SPAG9: variants seen among roughly 807,000 people sequenced by gnomAD.
SPAG9 encodes C-Jun-amino-terminal kinase-interacting protein 4.
SPAG9 carries 35 observed loss-of-function variants against 166.5 expected under a neutral mutation model. The ratio of observed to expected loss-of-function variants is 0.21; its 90% CI spans 0.16 to 0.28. The LOEUF is 0.28. SPAG9 is among the 10% of genes least tolerant of loss of function. The pLI is 1.00. For synonymous variants in SPAG9, 534 were observed against 565.5 expected, an observed-to-expected ratio of 0.94 and a Z score of 0.79; for missense variants, 1,235 against 1,603.3, an observed-to-expected ratio of 0.77 and a Z score of 3.92.
At position 51,020,152 on chromosome 17, in the gene SPAG9, A is replaced by T. The variant is rs752660647; in HGVS notation, c.1091+7T>A. The T allele has an allele frequency of 6.3e-7, 1 of 1,576,114 alleles. No individual in the cohort carries two copies. Among genetic ancestry groups the T allele is most frequent in the South Asian group, 1.1e-5 (1 of 90,162 alleles). ...CAGAATATGTCTTCATCTAACATTT[A>T]TGTTACCTTGAACCTTTATATCCAC... is the stretch of plus-strand genomic sequence containing the variant. On this transcript the variant is annotated splice_region_variant and intron_variant, in intron 8 of 29. Transcript: ENST00000262013.
chr17:51,013,010 C>T lies in SPAG9; in HGVS notation c.1213+1222G>A, dbSNP rs146330778. Among the ~76,000 whole-genome samples, 685 of 152,138 alleles carry T rather than the reference C, an allele frequency of 4.5e-3. 6 individuals carry two copies. Among genetic ancestry groups the T allele is most frequent in the African/African-American group, 0.015 (640 of 41,472 alleles). On this transcript the variant is annotated intron_variant, in intron 9 of 29. Transcript: ENST00000262013. ...CCTCCCAAAGTGTTGGGATTACAGGCGTGAGCCACTGCAACCGGCCTAGAT... is the reference window on the plus strand; with the variant it reads ...CCTCCCAAAGTGTTGGGATTACAGGTGTGAGCCACTGCAACCGGCCTAGAT...
chr17:51,046,516 G>A (rs758232906), intron 4 of SPAG9: 1 of 1,536,046 alleles, frequency 6.5e-7, no homozygotes, highest in Non-Finnish European at 8.7e-7. Flanking sequence ...ATCCTTGGTA[G>A]GTTCTGCGTC....
In SPAG9 at chr17:50,996,554, G is replaced by A. The variant is rs1184825872; in HGVS notation, c.1968+11C>T. On this transcript the variant is annotated intron_variant, in intron 16 of 29. Coordinates refer to ENST00000262013, the MANE Select transcript of SPAG9 (RefSeq NM_001130528.3). ...TTCCTGCTGGATGCTCTTACCACAT[G>A]TGCATATTACCTGTTTGTACTTCTG... The A allele has an allele frequency of 6.2e-7, 1 of 1,613,942 alleles. No individual in the cohort carries two copies. Among genetic ancestry groups the A allele is most frequent in the South Asian group, 1.1e-5 (1 of 91,038 alleles).
At position 51,109,468 on chromosome 17, in the gene SPAG9, C is replaced by T. The variant is rs373041690; in HGVS notation, c.303+10886G>A. ...GTCAGGCTGGTCTCGAACTCTTGACCTCGTGATCTGCCCACCTCGGCCTTC... is the reference window on the plus strand; with the variant it reads ...GTCAGGCTGGTCTCGAACTCTTGACTTCGTGATCTGCCCACCTCGGCCTTC... On this transcript the variant is annotated intron_variant, in intron 1 of 29. Coordinates refer to ENST00000262013, the MANE Select transcript of SPAG9 (RefSeq NM_001130528.3). Among the ~76,000 whole-genome samples, 64 of 152,276 alleles carry T rather than the reference C, an allele frequency of 4.2e-4. 2 individuals carry two copies. The South Asian group carries it at 0.012, about 29-fold the overall frequency.
At chr17:50,979,705 C>G (rs1268437209) in intron 26 of SPAG9, 41 bp downstream of exon 26, 1 of 1,574,178 alleles carries the variant, frequency 6.4e-7, no homozygotes, top group South Asian at 1.1e-5. Context: ...AAATAAAACA[C>G]CCTCTTTGAC....
At chr17:50,981,541 G>GAAAT (rs1974632776) in intron 25 of SPAG9, among the ~76,000 whole-genome samples, 1 of 151,710 alleles carries the variant, frequency 6.6e-6, no homozygotes, top group African/African-American at 2.4e-5. Context: ...AAGAAAGAAA[G>GAAAT]AAAGAATAGA....
intron 1 of SPAG9, among the ~76,000 whole-genome samples, chr17:51,107,240 C>A (rs781739002): frequency 1.5e-4 from 23 of 151,864 alleles, no homozygotes; most frequent in Non-Finnish European, 2.9e-4. Context: ...AAGTTCCTGT[C>A]CAGCTCTTTA....
At chr17:51,028,411 G>T (rs1360079742) in intron 6 of SPAG9, among the ~76,000 whole-genome samples, 1 of 152,020 alleles carries the variant, frequency 6.6e-6, no homozygotes, top group Non-Finnish European at 1.5e-5. Flanking sequence ...CTCCATCCAT[G>T]GTAAGTGCCC....
intron 8 of SPAG9, chr17:51,016,253 T>C (rs1467315503): frequency 2.7e-5 from 4 of 150,400 alleles, no homozygotes; most frequent in African/African-American, 4.9e-5. Context: ...CCAGGAAACC[T>C]AGTAAGGATA....
At chr17:51,049,440 C>A (rs1389612534) in intron 3 of SPAG9, among the ~76,000 whole-genome samples, 2 of 151,930 alleles carry the variant, frequency 1.3e-5, no homozygotes, top group Non-Finnish European at 2.9e-5. Flanking sequence ...CTTTGGGAGG[C>A]TGAGGTGGGA....
intron 7 of SPAG9, among the ~76,000 whole-genome samples, 171 bp downstream of exon 7, chr17:51,020,987 T>C (rs548984063): frequency 2.2e-4 from 34 of 152,308 alleles, no homozygotes; most frequent in African/African-American, 7.9e-4. Context: ...CATTTTTTTT[T>C]CAAATATTTT....
At chr17:50,987,317 A>G in intron 21 of SPAG9, 80 bp from the exon 22 acceptor site, 1 of 1,265,910 alleles carries the variant, frequency 7.9e-7, no homozygotes, top group Non-Finnish European at 1.1e-6. Flanking sequence ...ATCCTTCTAT[A>G]TTTAAGTTTG....
At chr17:51,016,836 G>A (rs571335306) in intron 8 of SPAG9, among the ~76,000 whole-genome samples, 1 of 152,074 alleles carries the variant, frequency 6.6e-6, no homozygotes, top group East Asian at 1.9e-4. Flanking sequence ...GAGAGGCAGA[G>A]GTTGCAGTGA....
At chr17:51,036,577 T>G (rs187810072) in intron 5 of SPAG9, among the ~76,000 whole-genome samples, 68 of 152,144 alleles carry the variant, frequency 4.5e-4, no homozygotes, top group Admixed American at 4.2e-3. Flanking sequence ...GATGCTGCCT[T>G]CCTCATCTGC....
chr17:50,998,433 A>G lies in SPAG9; in HGVS notation c.1838+11T>C, dbSNP rs756229931. On this transcript the variant is annotated intron_variant, in intron 15 of 29. Transcript: ENST00000262013. ...ATTTAGAATATAATGATTAATTTGG[A>G]AAAGACTTACTCTTCACTAAGGAAA... 6.2e-7 allele frequency: 1 copy of G among 1,608,366 alleles called. No individual in the cohort carries two copies. The highest frequency in any genetic ancestry group is 8.5e-7 in the Non-Finnish European group (1 of 1,176,760).
intron 5 of SPAG9, among the ~76,000 whole-genome samples, chr17:51,037,687 TG>T (rs2046665210): frequency 1.3e-4 from 10 of 74,144 alleles, no homozygotes; most frequent in African/African-American, 4.9e-4. Flanking sequence ...ATATATATAG[TG>T]TGTGTGTGTG....
At chr17:51,118,823 G>A (rs377210600) in intron 1 of SPAG9, among the ~76,000 whole-genome samples, 1 of 152,274 alleles carries the variant, frequency 6.6e-6, no homozygotes. Flanking sequence ...GCCAAAGTGG[G>A]CAGATCACTT....
intron 12 of SPAG9, among the ~76,000 whole-genome samples, chr17:51,002,115 A>G (rs910661702): frequency 1.3e-5 from 2 of 152,134 alleles, no homozygotes; most frequent in African/African-American, 4.8e-5. Context: ...TTCTGGGTTA[A>G]AGCAATCTGC....
Position 50,977,322 on chromosome 17 carries a change from A to T in SPAG9, c.3410-101T>A. ...AGCAGGATTACAAAACAAAAAAAAA[A>T]GAAAGAAAGTAGTAGTAGCAGGATT... On this transcript the variant is annotated intron_variant, in intron 26 of 29. Transcript: ENST00000262013. 3 of 735,238 alleles carry T rather than the reference A, an allele frequency of 4.1e-6. No homozygotes were observed. The Admixed American group carries it at 7.3e-5, about 18-fold the overall frequency. The allele number at this position is 735,238 out of a possible 1,614,324, so 45.5% of individuals were successfully genotyped here.
Sources: gnomAD v4.1 joint callset for allele counts (sites outside exome capture counted in the v4.1 genomes callset) on GRCh38, gnomAD v4.1.1 for gene constraint, MANE v1.5 for transcripts, NCBI Gene and HGNC (gene_info 2026-07-23, HGNC 2026-07-21) for gene names.